Variants in ATXN1 observed in about 807,000 individuals in gnomAD.
ATXN1 encodes the protein ataxin 1.
In ATXN1, 8 loss-of-function variants were observed where a neutral mutation model predicts 56.4. That is an observed-to-expected ratio of 0.14 (90% CI 0.08 to 0.26). The LOEUF (loss-of-function observed/expected upper bound fraction) is 0.26. ATXN1 is among the 10% of genes least tolerant of loss of function. The probability of loss-of-function intolerance (pLI) is 1.00; values close to 1 mark genes in which losing one functional copy is unlikely to be tolerated. For missense variants in ATXN1, 987 were observed against 1,106.5 expected (o/e 0.89, Z 1.53); for synonymous variants, 514 against 494.6 (o/e 1.04, Z -0.52).
intron 6 of ATXN1, among the ~76,000 whole-genome samples, chr6:16,349,635 C>G (rs1386514110): frequency 6.6e-6 from 1 of 152,214 alleles, no homozygotes; most frequent in Non-Finnish European, 1.5e-5. Flanking sequence ...AAAAGTTTCC[C>G]TGCCTCACTT....
At chr6:16,662,510 T>G (rs975516297) in intron 2 of ATXN1, among the ~76,000 whole-genome samples, 9 of 152,096 alleles carry the variant, frequency 5.9e-5, no homozygotes, top group African/African-American at 2.2e-4. Context: ...TTTTTTGTAT[T>G]TTTAGTAGAG....
chr6:16,684,704 G>A (rs1303594164), intron 2 of ATXN1, among the ~76,000 whole-genome samples: 1 of 152,126 alleles, frequency 6.6e-6, no homozygotes, highest in East Asian at 1.9e-4. Flanking sequence ...TTAGCGTTCA[G>A]TAAAACCTCA....
At chr6:16,700,149 C>T (rs376387880) in intron 2 of ATXN1, among the ~76,000 whole-genome samples, 6 of 152,252 alleles carry the variant, frequency 3.9e-5, no homozygotes, top group South Asian at 2.1e-4. Flanking sequence ...TCAAATAATG[C>T]TTTCCCAATT....
chr6:16,457,285 T>A (rs964772274), intron 6 of ATXN1, among the ~76,000 whole-genome samples: 6 of 152,012 alleles, frequency 3.9e-5, no homozygotes, highest in Non-Finnish European at 8.8e-5. Context: ...CTTTTTGTGG[T>A]CTAGGAGGAA....
intron 4 of ATXN1, among the ~76,000 whole-genome samples, chr6:16,550,143 A>G (rs1420751832): frequency 7.1e-6 from 1 of 141,640 alleles, no homozygotes; most frequent in Non-Finnish European, 1.5e-5. Context: ...AGTAAAATAA[A>G]TAAATAAAAT....
At position 16,612,088 on chromosome 6, in the gene ATXN1, T is replaced by A. The variant is rs146971506; in HGVS notation, c.-488-26181A>T. Among the ~76,000 whole-genome samples the A allele has an allele frequency of 6.3e-4, 96 of 152,114 alleles. 1 individual carries two copies. Among genetic ancestry groups the A allele is most frequent in the African/African-American group, 2.1e-3 (88 of 41,502 alleles). On this transcript the variant is annotated intron_variant, in intron 3 of 7. Transcript: ENST00000436367. Reference sequence around the variant, plus strand: ...GTTAGTCAGGACGGTCTCGATCTCCTGACCTCATGATGCGCCTGCCTCAGC... The same window carrying A: ...GTTAGTCAGGACGGTCTCGATCTCCAGACCTCATGATGCGCCTGCCTCAGC...
At chr6:16,563,479 G>C (rs1344279983) in intron 4 of ATXN1, among the ~76,000 whole-genome samples, 1 of 152,104 alleles carries the variant, frequency 6.6e-6, no homozygotes, top group African/African-American at 2.4e-5. Flanking sequence ...GGAATACGGA[G>C]CCTGAAGAAA....
chr6:16,503,706 G>A (rs3753091), intron 5 of ATXN1, among the ~76,000 whole-genome samples: 31,624 of 152,068 alleles, frequency 0.21, 3,558 homozygotes, highest in South Asian at 0.35. Flanking sequence ...ATAAATATTT[G>A]TTGAATGAAT....
chr6:16,377,202 G>A (rs984749729), intron 6 of ATXN1, among the ~76,000 whole-genome samples: 4 of 152,188 alleles, frequency 2.6e-5, no homozygotes, highest in Non-Finnish European at 5.9e-5. Context: ...CCAGCCACCA[G>A]CACTGTGAGA....
intron 2 of ATXN1, among the ~76,000 whole-genome samples, chr6:16,715,808 G>A (rs1158629938): frequency 3.3e-5 from 5 of 152,126 alleles, no homozygotes; most frequent in African/African-American, 9.7e-5. Flanking sequence ...TTGAAATGCC[G>A]TAAGTTTCCC....
chr6:16,558,312 A>G lies in ATXN1; in HGVS notation c.-361+27468T>C, dbSNP rs866956009. ...CGAGATCCTGTGTCAAAAAAAAAAA[A>G]AAAAAAGAAAAAAAAAAGGTAAGTT... On this transcript the variant is annotated intron_variant, in intron 4 of 7. Coordinates refer to ENST00000436367, the MANE Select transcript of ATXN1 (RefSeq NM_001128164.2). 5.0e-3 allele frequency among the ~76,000 whole-genome samples: 762 copies of G among 151,070 alleles called. 7 individuals carry two copies. Among genetic ancestry groups the G allele is most frequent in the African/African-American group, 0.017 (693 of 40,918 alleles).
At chr6:16,564,850 A>T (rs528271062) in intron 4 of ATXN1, among the ~76,000 whole-genome samples, 27 of 151,702 alleles carry the variant, frequency 1.8e-4, no homozygotes, top group Admixed American at 7.9e-4. Context: ...TTTTTTTTTT[A>T]ATTTAAATAA....
In ATXN1 at chr6:16,410,598, C is replaced by CA. The variant is rs1453099745; in HGVS notation, c.-161+75373dup. The stretch of plus-strand genomic sequence containing the variant: ...CCCTTCCCTACATAAAGATAATATG[C>CA]AAAAAATCCAAAAGGGTGCAATCAT... On this transcript the variant is annotated intron_variant, in intron 6 of 7. Transcript: ENST00000436367. The surrounding 1 kb of genome is among the most constrained non-coding windows in gnomAD (Gnocchi z 4.6). Among the ~76,000 whole-genome samples the CA allele has an allele frequency of 6.6e-6, 1 of 152,098 alleles. No individual in the cohort carries two copies. The highest frequency in any genetic ancestry group is 1.5e-5 in the Non-Finnish European group (1 of 68,010).
intron 6 of ATXN1, among the ~76,000 whole-genome samples, chr6:16,427,400 G>C (rs1035486454): frequency 1.3e-5 from 2 of 152,192 alleles, no homozygotes; most frequent in Non-Finnish European, 2.9e-5. Context: ...AGCAAAATTA[G>C]AATCACGGAG....
chr6:16,442,143 A>G (rs928886242), intron 6 of ATXN1, among the ~76,000 whole-genome samples: 8 of 152,220 alleles, frequency 5.3e-5, no homozygotes, highest in Non-Finnish European at 8.8e-5. Context: ...CGATTTTTCA[A>G]GAGCCAGGCT....
At chr6:16,585,300 G>T (rs868192311) in intron 4 of ATXN1, among the ~76,000 whole-genome samples, 5 of 151,998 alleles carry the variant, frequency 3.3e-5, no homozygotes, top group East Asian at 1.9e-4. Flanking sequence ...AGTTAGAAGG[G>T]ATATAAATTA....
At chr6:16,438,939 C>G (rs1759447480) in intron 6 of ATXN1, among the ~76,000 whole-genome samples, 1 of 152,128 alleles carries the variant, frequency 6.6e-6, no homozygotes, top group Non-Finnish European at 1.5e-5. Context: ...ATTCTGGAAT[C>G]TCTTGTGTAA....
chr6:16,646,530 T>C (rs1763800671), intron 3 of ATXN1, among the ~76,000 whole-genome samples: 1 of 152,166 alleles, frequency 6.6e-6, no homozygotes, highest in Non-Finnish European at 1.5e-5. Context: ...TTCCTCCCAG[T>C]CTCCCACTGT....
At chr6:16,424,621 C>T (rs1026774018) in intron 6 of ATXN1, among the ~76,000 whole-genome samples, 3 of 152,184 alleles carry the variant, frequency 2.0e-5, no homozygotes, top group African/African-American at 7.2e-5. Context: ...TCTCTGTCTG[C>T]CCTGCTACTC....
Sources: allele counts gnomAD v4.1 joint callset (sites outside exome capture counted in the v4.1 genomes callset), GRCh38; gene constraint gnomAD v4.1.1; non-coding constraint Gnocchi (gnomAD v3.1); transcripts MANE v1.5; gene names NCBI Gene and HGNC (gene_info 2026-07-23, HGNC 2026-07-21).